Variants in CNTN5 observed in about 807,000 individuals in gnomAD.
CNTN5 encodes contactin 5, also known as contactin-5.
CNTN5 carries 77 observed loss-of-function variants against 129.1 expected under a neutral mutation model. The ratio of observed to expected loss-of-function variants is 0.60; its 90% CI spans 0.50 to 0.72. The LOEUF is 0.72. Ranked by LOEUF, CNTN5 falls within the 30% of genes least tolerant of loss-of-function variation. The probability of loss-of-function intolerance (pLI) is 0.00; values close to 1 mark genes in which losing one functional copy is unlikely to be tolerated. For synonymous variants in CNTN5, 509 were observed against 465.6 expected (o/e 1.09, Z -1.20); for missense variants, 1,478 against 1,328.8 (o/e 1.11, Z -1.75).
intron 1 of CNTN5, among the ~76,000 whole-genome samples, chr11:99,294,488 A>G (rs547210289): frequency 6.6e-6 from 1 of 152,362 alleles, no homozygotes; most frequent in African/African-American, 2.4e-5. Context: ...TAATAAAACC[A>G]GTAATATACT....
At chr11:100,210,969 C>T (rs1949019014) in intron 15 of CNTN5, among the ~76,000 whole-genome samples, 1 of 152,114 alleles carries the variant, frequency 6.6e-6, no homozygotes, top group Non-Finnish European at 1.5e-5. Context: ...GTAGTTGACA[C>T]ATTGTACAAT....
chr11:99,222,438 C>A (rs576025455), intron 1 of CNTN5, among the ~76,000 whole-genome samples: 2 of 152,040 alleles, frequency 1.3e-5, no homozygotes, highest in Non-Finnish European at 2.9e-5. Flanking sequence ...ACTAAACTTT[C>A]TTTGATATGG....
chr11:99,968,656 CTTTTTTTTTTTT>C lies in CNTN5; in HGVS notation c.877+11666_877+11677del, dbSNP rs71050037. Among the ~76,000 whole-genome samples, 125 of 73,914 alleles carry C rather than the reference CTTTTTTTTTTTT, an allele frequency of 1.7e-3. 1 individual carries two copies. The highest frequency in any genetic ancestry group is 5.3e-3 in the African/African-American group (109 of 20,720). 48.5% of individuals were successfully genotyped at this position (73,914 alleles called of 152,430 possible). ...ATGGTAATTGGAATAGCTTTGGGTACTTTTTTTTTTTTTTTTTTTTTTTTTTTTTTGTATTTC... is the reference window on the plus strand; with the variant it reads ...ATGGTAATTGGAATAGCTTTGGGTACTTTTTTTTTTTTTTTTTTGTATTTC... On this transcript the variant is annotated intron_variant, in intron 8 of 24. Coordinates refer to ENST00000524871, the MANE Select transcript of CNTN5 (RefSeq NM_014361.4).
intron 3 of CNTN5, among the ~76,000 whole-genome samples, chr11:99,562,389 T>G (rs567865357): frequency 1.2e-3 from 189 of 152,302 alleles, no homozygotes; most frequent in Non-Finnish European, 1.9e-3. Context: ...TAAACTTTTT[T>G]ACTCCTGTTG....
chr11:99,783,759 G>T (rs1945403926), intron 3 of CNTN5, among the ~76,000 whole-genome samples: 1 of 148,862 alleles, frequency 6.7e-6, no homozygotes, highest in Non-Finnish European at 1.5e-5. Context: ...TCATAGGTGG[G>T]AATTGAACAG....
chr11:99,027,170 G>T (rs902835245), intron 1 of CNTN5, among the ~76,000 whole-genome samples: 1 of 151,336 alleles, frequency 6.6e-6, no homozygotes, highest in African/African-American at 2.4e-5. Context: ...GTAGAAAAAA[G>T]GATTTAAGTG....
chr11:99,120,317 G>T (rs538518137), intron 1 of CNTN5: 1 of 152,284 alleles, frequency 6.6e-6, no homozygotes, highest in South Asian at 2.1e-4. Flanking sequence ...TACTGAACCT[G>T]CGTGTTTGGT....
chr11:99,451,959 T>C (rs905289651), intron 2 of CNTN5, among the ~76,000 whole-genome samples: 5 of 152,180 alleles, frequency 3.3e-5, no homozygotes. Context: ...CCATTACATT[T>C]ATTTGTTCGC....
At chr11:100,164,519 G>A (rs1947562755) in intron 13 of CNTN5, among the ~76,000 whole-genome samples, 1 of 151,508 alleles carries the variant, frequency 6.6e-6, no homozygotes, top group African/African-American at 2.4e-5. Context: ...AAAAAATGGA[G>A]GACACAGCAA....
chr11:99,158,981 A>T (rs573380804), intron 1 of CNTN5, among the ~76,000 whole-genome samples: 1 of 152,310 alleles, frequency 6.6e-6, no homozygotes, highest in African/African-American at 2.4e-5. Flanking sequence ...TTGGATAATT[A>T]TAGATGTAGA....
intron 8 of CNTN5, among the ~76,000 whole-genome samples, chr11:99,990,576 A>G (rs1939018279): frequency 6.6e-6 from 1 of 151,980 alleles, no homozygotes; most frequent in Non-Finnish European, 1.5e-5. Flanking sequence ...ATAATGGTGC[A>G]TTTATTTGTT....
chr11:100,118,004 T>G (rs1945894556), intron 13 of CNTN5, among the ~76,000 whole-genome samples: 1 of 151,746 alleles, frequency 6.6e-6, no homozygotes, highest in Admixed American at 6.6e-5. Flanking sequence ...CTGGGAAAAT[T>G]TCTCTAACTT....
At chr11:99,217,566 A>G (rs567557228) in intron 1 of CNTN5, among the ~76,000 whole-genome samples, 2 of 152,284 alleles carry the variant, frequency 1.3e-5, no homozygotes, top group Admixed American at 1.3e-4. Flanking sequence ...AATGCTATAG[A>G]TCCTCAGATG....
At chr11:99,282,297 A>T (rs947099155) in intron 1 of CNTN5, among the ~76,000 whole-genome samples, 1 of 152,058 alleles carries the variant, frequency 6.6e-6, no homozygotes. Flanking sequence ...AAAGAAATAG[A>T]TAATAGCATT....
chr11:99,563,266 C>A (rs1405943223), intron 3 of CNTN5, among the ~76,000 whole-genome samples: 1 of 152,036 alleles, frequency 6.6e-6, no homozygotes, highest in Non-Finnish European at 1.5e-5. Context: ...GAAACCCCAG[C>A]GTTACGGCAG....
chr11:99,796,937 C>T (rs969996326), intron 3 of CNTN5, among the ~76,000 whole-genome samples: 1 of 152,046 alleles, frequency 6.6e-6, no homozygotes, highest in East Asian at 1.9e-4. Context: ...GTTGTGAGGG[C>T]AGGCTGCTCC....
intron 3 of CNTN5, among the ~76,000 whole-genome samples, chr11:99,782,173 T>C (rs1178446240): frequency 4.0e-5 from 6 of 149,754 alleles, no homozygotes; most frequent in Non-Finnish European, 7.4e-5. Flanking sequence ...AGCATTCTTA[T>C]ACACCAACAA....
At chr11:99,690,561 C>A (rs1953999650) in intron 3 of CNTN5, among the ~76,000 whole-genome samples, 1 of 151,548 alleles carries the variant, frequency 6.6e-6, no homozygotes, top group African/African-American at 2.4e-5. Context: ...TTGCTTTAGT[C>A]AGTTCGGCCA....
rs1565333694 is a variant in CNTN5 at position 99,121,141 on chromosome 11, T to TCTTTCTTTCTTTCTTTC, written c.-210+99871_-210+99872insCTTTCTTTCTTTCTTTC. Among the ~76,000 whole-genome samples the TCTTTCTTTCTTTCTTTC allele has an allele frequency of 7.5e-5, 11 of 146,898 alleles. No homozygotes were observed. The South Asian group carries it at 2.4e-3, about 32-fold the overall frequency. On this transcript the variant is annotated intron_variant, in intron 1 of 24. Transcript: ENST00000524871. Reference sequence around the variant, plus strand: ...AACTGTTCTTTCTTTCTTTCTTTTTTTTTTTTTTTTTGAGATCGAGTCTCA... The same window carrying TCTTTCTTTCTTTCTTTC: ...AACTGTTCTTTCTTTCTTTCTTTTTTCTTTCTTTCTTTCTTTCTTTTTTTTTTTGAGATCGAGTCTCA...
Sources: allele counts gnomAD v4.1 joint callset (sites outside exome capture counted in the v4.1 genomes callset), GRCh38; gene constraint gnomAD v4.1.1; transcripts MANE v1.5; gene names NCBI Gene and HGNC (gene_info 2026-07-23, HGNC 2026-07-21).